The following HLCS variants were observed in gnomAD, a reference collection of about 807,000 sequenced individuals.
The protein encoded by HLCS is holocarboxylase synthetase, also known as biotin--protein ligase.
HLCS carries 53 observed loss-of-function variants against 75.0 expected under a neutral mutation model. The ratio of observed to expected loss-of-function variants is 0.71; its 90% CI spans 0.57 to 0.89. The LOEUF (loss-of-function observed/expected upper bound fraction) is 0.89. Ranked by LOEUF, HLCS falls within the 40% of genes least tolerant of loss-of-function variation. The probability of loss-of-function intolerance (pLI) is 0.00; values close to 1 mark genes in which losing one functional copy is unlikely to be tolerated. For missense variants in HLCS, 966 were observed against 1,074.0 expected (o/e 0.90, Z 1.41); for synonymous variants, 431 against 428.6 (o/e 1.01, Z -0.07).
intron 6 of HLCS, among the ~76,000 whole-genome samples, chr21:36,822,218 G>A (rs980544226): frequency 4.6e-5 from 7 of 152,210 alleles, no homozygotes; most frequent in South Asian, 2.1e-4. Context: ...TCAGGAGTTC[G>A]AAACCAGCCT....
At chr21:36,772,035 A>G (rs1238044015) in intron 6 of HLCS, among the ~76,000 whole-genome samples, 1 of 152,072 alleles carries the variant, frequency 6.6e-6, no homozygotes, top group African/African-American at 2.4e-5. Flanking sequence ...ATATACCAAA[A>G]TAATAGCTGC....
intron 6 of HLCS, among the ~76,000 whole-genome samples, chr21:36,840,563 C>A (rs1407638905): frequency 1.3e-5 from 2 of 152,088 alleles, no homozygotes; most frequent in Non-Finnish European, 2.9e-5. Flanking sequence ...ATAAAGTAAT[C>A]TTCCTATATG....
intron 5 of HLCS, among the ~76,000 whole-genome samples, chr21:36,915,119 A>T (rs1318340093): frequency 6.6e-6 from 1 of 151,996 alleles, no homozygotes; most frequent in Non-Finnish European, 1.5e-5. Context: ...TGCCAGCCCC[A>T]CCTGGGCTTC....
chr21:36,966,829 G>T (rs2068626325), upstream of HLCS, among the ~76,000 whole-genome samples: 3 of 143,374 alleles, frequency 2.1e-5, no homozygotes, highest in South Asian at 2.2e-4. Flanking sequence ...GCGGGGGGGG[G>T]TGAGGCCGCG....
chr21:36,958,253 A>AAAGAAAGAAAGAAAG (rs1555969613), intron 2 of HLCS, among the ~76,000 whole-genome samples: 107 of 135,936 alleles, frequency 7.9e-4, no homozygotes, highest in African/African-American at 2.9e-3. Flanking sequence ...AAAAAAAAAA[A>AAAGAAAGAAAGAAAG]AAAGAAAGAA....
At chr21:36,798,068 A>C (rs1399004313) in intron 6 of HLCS, among the ~76,000 whole-genome samples, 1 of 152,158 alleles carries the variant, frequency 6.6e-6, no homozygotes, top group African/African-American at 2.4e-5. Flanking sequence ...AGGAAGTGAG[A>C]GACTCGGGAA....
At chr21:36,762,100 T>G (rs1271250771) in intron 8 of HLCS, among the ~76,000 whole-genome samples, 1 of 152,182 alleles carries the variant, frequency 6.6e-6, no homozygotes, top group African/African-American at 2.4e-5. Flanking sequence ...GCTGTGATCC[T>G]CCCACATAAA....
chr21:36,889,541 A>G (rs2276230), intron 6 of HLCS, among the ~76,000 whole-genome samples: 49,330 of 152,150 alleles, frequency 0.32, 8,338 homozygotes, highest in Middle Eastern at 0.46. Flanking sequence ...TGTGCCACAC[A>G]CCCACTACGT....
intron 5 of HLCS, among the ~76,000 whole-genome samples, chr21:36,920,342 G>GAA (rs77703894): frequency 1.8e-5 from 2 of 109,714 alleles, no homozygotes; most frequent in African/African-American, 3.4e-5. Flanking sequence ...CAAGAAAAAA[G>GAA]AAAAAAAAAA....
At chr21:36,920,588 A>G (rs2066121079) in intron 5 of HLCS, among the ~76,000 whole-genome samples, 1 of 152,164 alleles carries the variant, frequency 6.6e-6, no homozygotes, top group Admixed American at 6.5e-5. Flanking sequence ...TGATGTGATT[A>G]TTATGCACAG....
intron 6 of HLCS, among the ~76,000 whole-genome samples, chr21:36,862,833 A>G (rs542917191): frequency 4.6e-5 from 7 of 152,266 alleles, no homozygotes; most frequent in African/African-American, 1.7e-4. Context: ...CACCAAAAGG[A>G]AGGAATTCAG....
chr21:36,811,250 T>C (rs2061501639), intron 6 of HLCS, among the ~76,000 whole-genome samples: 3 of 152,186 alleles, frequency 2.0e-5, no homozygotes, highest in African/African-American at 7.2e-5. Flanking sequence ...AACAGCACAC[T>C]TTCACCCTTT....
chr21:36,801,976 A>C (rs1042576681), intron 6 of HLCS, among the ~76,000 whole-genome samples: 3 of 152,178 alleles, frequency 2.0e-5, no homozygotes, highest in African/African-American at 7.2e-5. Context: ...AATATGATAT[A>C]TATAATATTC....
chr21:36,858,230 T>A (rs2063264944), intron 6 of HLCS, among the ~76,000 whole-genome samples: 1 of 152,238 alleles, frequency 6.6e-6, no homozygotes, highest in African/African-American at 2.4e-5. Flanking sequence ...ATCCACTTTA[T>A]CCTCTCCTCC....
In HLCS at chr21:36,938,947, C is replaced by T; in HGVS notation, c.378G>A (p.Gly126=). ...CTTCAGCAATTAGCCGATAAGGATCCCCAGGTCTGCAAGCTAATGGCAAAC... is the reference window on the plus strand; with the variant it reads ...CTTCAGCAATTAGCCGATAAGGATCTCCAGGTCTGCAAGCTAATGGCAAAC... ...DCCLPLACRP[G]DPYRLIAEAS... is the part of the protein sequence containing the mutation. Residue 126 remains glycine (G), a synonymous_variant, in exon 3 of 11, where the codon GGG becomes GGA. Coordinates refer to ENST00000674895, the MANE Select transcript of HLCS (RefSeq NM_001352514.2). 1.2e-6 allele frequency: 2 copies of T among 1,612,846 alleles called. No individual in the cohort carries two copies. Among genetic ancestry groups the T allele is most frequent in the East Asian group, 2.2e-5 (1 of 44,886 alleles).
At chr21:36,826,423 C>T (rs183427510) in intron 6 of HLCS, among the ~76,000 whole-genome samples, 12 of 152,278 alleles carry the variant, frequency 7.9e-5, no homozygotes, top group African/African-American at 1.2e-4. Flanking sequence ...ATGAATGGAT[C>T]GTTATGCTTC....
rs140014588 is a variant in HLCS at position 36,754,284 on chromosome 21, C to T, written c.2584G>A (p.Asp862Asn). 59 of 1,613,988 alleles carry T rather than the reference C, an allele frequency of 3.7e-5. No individual in the cohort carries two copies. Among genetic ancestry groups the T allele is most frequent in the African/African-American group, 8.0e-5 (6 of 74,926 alleles). ...GGGAGGATGAGGTTTCTCAGCATGT[C>T]GAAGGAGTTGCCGTCCGGGTGCACA... ...VTVHPDGNSF[D>N]MLRNLILPKR... The change falls in exon 11 of 11, where the codon GAC (aspartate) becomes AAC (asparagine). Residue 862 changes from aspartate to asparagine, a missense_variant. Asp to Asn is a conservative substitution (Grantham distance 23, BLOSUM62 1). Coordinates refer to ENST00000674895, the MANE Select transcript of HLCS (RefSeq NM_001352514.2).
rs119103231 is a variant in HLCS at position 36,765,044 on chromosome 21, C to T, written c.2089G>A (p.Val697Met). 11 of 1,614,236 alleles carry T rather than the reference C, an allele frequency of 6.8e-6. No individual in the cohort carries two copies. The highest frequency in any genetic ancestry group is 1.7e-5 in the Admixed American group (1 of 60,032). Reference sequence around the variant, plus strand: ...TCGGGAATGGACCTCACTGCTTCCACGACAGCCACGGACATCAGATGCTGG... The same window carrying T: ...TCGGGAATGGACCTCACTGCTTCCATGACAGCCACGGACATCAGATGCTGG... Reference protein sequence around the residue: ...FVQHLMSVAVVEAVRSIPEYQ... With the variant: ...FVQHLMSVAVMEAVRSIPEYQ... The change falls in exon 8 of 11, where the codon GTG (valine) becomes ATG (methionine). Residue 697 changes from valine (V) to methionine (M), a missense_variant. Coordinates refer to ENST00000674895, the MANE Select transcript of HLCS (RefSeq NM_001352514.2).
intron 6 of HLCS, among the ~76,000 whole-genome samples, chr21:36,880,376 T>TA (rs2146267619): frequency 6.6e-6 from 1 of 151,888 alleles, no homozygotes; most frequent in East Asian, 1.9e-4. Context: ...TTAATTGAGC[T>TA]AAAAAACAAA....
Sources: gnomAD v4.1 joint callset for allele counts (sites outside exome capture counted in the v4.1 genomes callset) on GRCh38, gnomAD v4.1.1 for gene constraint, MANE v1.5 for transcripts, NCBI Gene and HGNC (gene_info 2026-07-23, HGNC 2026-07-21) for gene names.